The following SH3GL3 variants were observed in gnomAD, a reference collection of about 807,000 sequenced individuals.
SH3GL3 encodes the protein endophilin-A3.
A neutral mutation model predicts 47.7 loss-of-function variants in SH3GL3; 33 were observed. The ratio of observed to expected loss-of-function variants is 0.69; its 90% CI spans 0.52 to 0.92. SH3GL3 has a LOEUF of 0.92. Ranked by LOEUF, SH3GL3 falls within the 40% of genes least tolerant of loss-of-function variation. The pLI, the probability that SH3GL3 is intolerant of heterozygous loss-of-function variation, is 0.00. For synonymous variants in SH3GL3, 155 were observed against 148.8 expected (o/e 1.04, Z -0.30); for missense variants, 363 against 417.8 (o/e 0.87, Z 1.14).
intron 1 of SH3GL3, among the ~76,000 whole-genome samples, chr15:83,459,372 C>G (rs1010005332): frequency 6.6e-6 from 1 of 152,158 alleles, no homozygotes; most frequent in Non-Finnish European, 1.5e-5. Context: ...TCAACGTTAG[C>G]CATCACACTA....
Position 83,447,525 on chromosome 15 carries a change from G to T in SH3GL3, c.-9G>T. On this transcript the variant is annotated 5_prime_UTR_variant, in exon 1 of 9. Transcript: ENST00000427482. The surrounding 1 kb of genome is among the most constrained non-coding windows in gnomAD (Gnocchi z 5.1). ...TGAGACCACCCCGCCCCTGCCGGTC[G>T]CAGTCGCGATGTCGGTGGCCGGGCT... 1 of 1,501,736 alleles carries T rather than the reference G, an allele frequency of 6.7e-7. No individual in the cohort carries two copies. Among genetic ancestry groups the T allele is most frequent in the Non-Finnish European group, 8.9e-7 (1 of 1,123,390 alleles). 93.0% of individuals were successfully genotyped at this position (1,501,736 alleles called of 1,614,324 possible).
intron 1 of SH3GL3, among the ~76,000 whole-genome samples, chr15:83,558,468 T>G (rs1253994286): frequency 6.9e-6 from 1 of 144,754 alleles, no homozygotes; most frequent in African/African-American, 2.6e-5. Context: ...TGGGCAACAT[T>G]TTTGGTTGTT....
chr15:83,622,090 T>C (rs1258593352), downstream of SH3GL3, among the ~76,000 whole-genome samples: 4 of 152,228 alleles, frequency 2.6e-5, no homozygotes, highest in Non-Finnish European at 5.9e-5. Context: ...TGCCAGGTGC[T>C]GTTCCAAACA....
chr15:83,595,904 A>G (rs2060225768), intron 8 of SH3GL3, among the ~76,000 whole-genome samples: 1 of 152,074 alleles, frequency 6.6e-6, no homozygotes, highest in South Asian at 2.1e-4. Context: ...CATTTTAGCT[A>G]TAGATTTATC....
intron 8 of SH3GL3, among the ~76,000 whole-genome samples, chr15:83,593,737 C>T (rs896209108): frequency 2.0e-5 from 3 of 152,050 alleles, no homozygotes; most frequent in African/African-American, 7.2e-5. Context: ...GAGTGGACAT[C>T]CTTGCTTTGT....
At chr15:83,490,464 T>C (rs1328870862) in intron 1 of SH3GL3, among the ~76,000 whole-genome samples, 2 of 151,998 alleles carry the variant, frequency 1.3e-5, no homozygotes, top group Non-Finnish European at 2.9e-5. Flanking sequence ...TTCTGGTAAA[T>C]GTCATGGGTA....
chr15:83,615,834 T>A (rs2060797894), intron 8 of SH3GL3, among the ~76,000 whole-genome samples: 1 of 152,206 alleles, frequency 6.6e-6, no homozygotes, highest in African/African-American at 2.4e-5. Flanking sequence ...AATAGATATT[T>A]ACCTCATTTT....
intron 1 of SH3GL3, among the ~76,000 whole-genome samples, chr15:83,545,516 T>C (rs2044351813): frequency 6.6e-6 from 1 of 152,220 alleles, no homozygotes; most frequent in Non-Finnish European, 1.5e-5. Flanking sequence ...AATTGGTCAC[T>C]GGTACCTTAT....
chr15:83,562,032 C>G (rs62027553), intron 2 of SH3GL3, among the ~76,000 whole-genome samples: 1 of 16,462 alleles, frequency 6.1e-5, no homozygotes, highest in Non-Finnish European at 1.7e-4. Context: ...ACACACACAA[C>G]ACACACACAC....
intron 1 of SH3GL3, among the ~76,000 whole-genome samples, chr15:83,487,014 A>G (rs868697267): frequency 6.6e-6 from 1 of 152,204 alleles, no homozygotes; most frequent in Non-Finnish European, 1.5e-5. Context: ...CCCTGCTTCC[A>G]AATACAACCA....
intron 8 of SH3GL3, among the ~76,000 whole-genome samples, chr15:83,613,695 T>G (rs2151848876): frequency 6.6e-6 from 1 of 152,194 alleles, no homozygotes; most frequent in Non-Finnish European, 1.5e-5. Flanking sequence ...GTAATCAGTG[T>G]GTCAGCCTAT....
chr15:83,575,155 A>G (rs2151777466), intron 5 of SH3GL3, among the ~76,000 whole-genome samples: 1 of 152,332 alleles, frequency 6.6e-6, no homozygotes, highest in East Asian at 1.9e-4. Context: ...TAGAGAAGTG[A>G]CAGTCTGGGT....
At chr15:83,476,252 CAA>C (rs1474322603) in intron 1 of SH3GL3, among the ~76,000 whole-genome samples, 1 of 152,164 alleles carries the variant, frequency 6.6e-6, no homozygotes, top group Non-Finnish European at 1.5e-5. Flanking sequence ...TCCCAGGACT[CAA>C]GAGCAGGCTT....
chr15:83,618,410 G>A lies in SH3GL3; in HGVS notation c.*123G>A. 4.6e-6 allele frequency: 3 copies of A among 653,022 alleles called. 1 individual carries two copies. Among genetic ancestry groups the A allele is most frequent in the Admixed American group, 4.8e-5 (2 of 41,724 alleles). The allele number at this position is 653,022 out of a possible 1,614,324, so 40.5% of individuals were successfully genotyped here. A position where few individuals can be genotyped will look rare whatever the true frequency, so the allele number is the denominator to read the frequency against. ...CCAACTTAATGACTTTTGTATGTGT[G>A]CTCTCTTTATAATGTATTTTATATC... On this transcript the variant is annotated 3_prime_UTR_variant, in exon 9 of 9. Coordinates refer to ENST00000427482, the MANE Select transcript of SH3GL3 (RefSeq NM_003027.5).
intron 1 of SH3GL3, among the ~76,000 whole-genome samples, chr15:83,537,230 G>A (rs1381025076): frequency 6.6e-6 from 1 of 152,036 alleles, no homozygotes; most frequent in African/African-American, 2.4e-5. Context: ...TGTTGGGAAA[G>A]ATCTCTAGCT....
intron 2 of SH3GL3, among the ~76,000 whole-genome samples, chr15:83,563,967 G>T (rs2045410268): frequency 6.6e-6 from 1 of 152,030 alleles, no homozygotes; most frequent in African/African-American, 2.4e-5. Flanking sequence ...GTTTAAATGG[G>T]AGTTTAGAAT....
chr15:83,544,626 A>T (rs2044317789), intron 1 of SH3GL3, among the ~76,000 whole-genome samples: 1 of 152,112 alleles, frequency 6.6e-6, no homozygotes, highest in Non-Finnish European at 1.5e-5. Flanking sequence ...ATTGCTCATT[A>T]ATGTTCTTTT....
At chr15:83,560,397 G>T (rs182069811) in intron 2 of SH3GL3, among the ~76,000 whole-genome samples, 218 of 152,228 alleles carry the variant, frequency 1.4e-3, no homozygotes, top group African/African-American at 5.1e-3. Context: ...TTTTGCTTTT[G>T]AAAGAAAACT....
At chr15:83,579,042 C>G (rs1445279455) in intron 6 of SH3GL3, among the ~76,000 whole-genome samples, 1 of 152,158 alleles carries the variant, frequency 6.6e-6, no homozygotes, top group African/African-American at 2.4e-5. Context: ...GCCACGCCGG[C>G]CTTAGCAGTT....
Sources: gnomAD v4.1 joint callset for allele counts (sites outside exome capture counted in the v4.1 genomes callset) on GRCh38, gnomAD v4.1.1 for gene constraint, Gnocchi (gnomAD v3.1) non-coding constraint, MANE v1.5 for transcripts, NCBI Gene and HGNC (gene_info 2026-07-23, HGNC 2026-07-21) for gene names.